The following GPHN variants were observed in gnomAD, a reference collection of about 807,000 sequenced individuals.
GPHN encodes the protein gephyrin.
A neutral mutation model predicts 95.5 loss-of-function variants in GPHN; 17 were observed. The ratio of observed to expected loss-of-function variants is 0.18; its 90% CI spans 0.12 to 0.27. The LOEUF is 0.27. Among genes scored for constraint, GPHN ranks in the 10% least tolerant of loss-of-function variants. The pLI, the probability that GPHN is intolerant of heterozygous loss-of-function variation, is 1.00. For synonymous variants in GPHN, 320 were observed against 322.5 expected, an observed-to-expected ratio of 0.99 and a Z score of 0.08; for missense variants, 660 against 978.1, an observed-to-expected ratio of 0.67 and a Z score of 4.34.
the GPHN span, among the ~76,000 whole-genome samples, chr14:67,460,756 T>G: frequency 6.6e-6 from 1 of 152,162 alleles, no homozygotes; most frequent in East Asian, 1.9e-4. Flanking sequence ...AGGATATTCA[T>G]AGATTTCTGT....
In GPHN at chr14:67,083,934, A is replaced by G. The variant is rs1394649686; in HGVS notation, c.1145-5049A>G. ...TATGACCTTTTTCTCTACTTATCTGATATTTTCTTGTAGTCATAATCATTA... is the reference window on the plus strand; with the variant it reads ...TATGACCTTTTTCTCTACTTATCTGGTATTTTCTTGTAGTCATAATCATTA... On this transcript the variant is annotated intron_variant, in intron 11 of 22. Transcript: ENST00000478722. 3.3e-5 allele frequency among the ~76,000 whole-genome samples: 5 copies of G among 152,126 alleles called. No individual in the cohort carries two copies. In the South Asian group the frequency reaches 1.0e-3, roughly 31 times the overall value.
At chr14:67,583,968 C>T in the GPHN span, 1 of 1,613,796 alleles carries the variant, frequency 6.2e-7, no homozygotes, top group Non-Finnish European at 8.5e-7. Flanking sequence ...TTCATTGGCA[C>T]TATTTCTCTC....
At chr14:67,448,253 C>T in the GPHN span, among the ~76,000 whole-genome samples, 1 of 150,214 alleles carries the variant, frequency 6.7e-6, no homozygotes, top group Admixed American at 6.7e-5. Context: ...ATTCTCCTGC[C>T]TCAGCCTCCT....
At chr14:67,446,949 G>C in the GPHN span, 1 of 152,122 alleles carries the variant, frequency 6.6e-6, no homozygotes, top group Non-Finnish European at 1.5e-5. Context: ...GCAGTGGCAG[G>C]GTTGGGTAGT....
At chr14:67,532,825 T>G in the GPHN span, among the ~76,000 whole-genome samples, 26 of 152,206 alleles carry the variant, frequency 1.7e-4, no homozygotes, top group Admixed American at 1.7e-3. Flanking sequence ...TTCCCACAGG[T>G]GGCCAGGAGA....
At chr14:67,446,994 C>T in the GPHN span, 2 of 152,096 alleles carry the variant, frequency 1.3e-5, no homozygotes, top group Non-Finnish European at 2.9e-5. Flanking sequence ...ATATTTACTG[C>T]CTGGCTGGCC....
intron 2 of GPHN, among the ~76,000 whole-genome samples, chr14:66,765,847 A>G (rs1192929704): frequency 6.6e-6 from 1 of 152,216 alleles, no homozygotes; most frequent in Non-Finnish European, 1.5e-5. Context: ...AGAATGAAAT[A>G]TATATCTGGA....
chr14:66,851,204 A>G (rs1336756456), intron 4 of GPHN, among the ~76,000 whole-genome samples: 4 of 151,998 alleles, frequency 2.6e-5, no homozygotes, highest in African/African-American at 9.7e-5. Flanking sequence ...GGATTTTCAA[A>G]AACTGAACAT....
At chr14:67,703,717 C>G in the GPHN span, among the ~76,000 whole-genome samples, 1 of 152,040 alleles carries the variant, frequency 6.6e-6, no homozygotes, top group African/African-American at 2.4e-5. Flanking sequence ...ACTCTGTTGC[C>G]CAGGCTGGAG....
chr14:67,581,073 A>C, the GPHN span: 1 of 1,355,008 alleles, frequency 7.4e-7, no homozygotes, highest in Non-Finnish European at 1.1e-6. Flanking sequence ...GGCCAAACAC[A>C]AGGGCTGCCA....
the GPHN span, among the ~76,000 whole-genome samples, chr14:67,524,254 T>TAG: frequency 9.2e-5 from 14 of 152,210 alleles, no homozygotes; most frequent in Non-Finnish European, 8.8e-5. Context: ...AACCTGGCTC[T>TAG]GTTTTTACTG....
At chr14:66,600,423 G>A (rs74057207) in intron 1 of GPHN, among the ~76,000 whole-genome samples, 3,309 of 152,136 alleles carry the variant, frequency 0.022, 129 homozygotes, top group African/African-American at 0.074. Context: ...GTTCTGTGAC[G>A]TAGCAGTGAA....
the GPHN span, among the ~76,000 whole-genome samples, chr14:67,390,050 A>C: frequency 6.6e-6 from 1 of 152,230 alleles, no homozygotes; most frequent in African/African-American, 2.4e-5. Flanking sequence ...TGAAAGTCAT[A>C]CATTGCCCAA....
At chr14:67,325,777 T>C in the GPHN span, among the ~76,000 whole-genome samples, 3 of 151,920 alleles carry the variant, frequency 2.0e-5, no homozygotes, top group Non-Finnish European at 4.4e-5. Context: ...TGAAGGGCCA[T>C]AGACCATTCC....
the GPHN span, among the ~76,000 whole-genome samples, chr14:67,307,476 A>T: frequency 6.6e-6 from 1 of 152,242 alleles, no homozygotes; most frequent in Non-Finnish European, 1.5e-5. Context: ...TGTTTAATAC[A>T]TATAAGCTAT....
intron 9 of GPHN, among the ~76,000 whole-genome samples, chr14:66,973,834 A>G (rs1200182677): frequency 6.6e-6 from 1 of 152,224 alleles, no homozygotes; most frequent in Non-Finnish European, 1.5e-5. Context: ...ATAACTGGGG[A>G]TAGCTCATTT....
At chr14:67,601,946 G>A in the GPHN span, among the ~76,000 whole-genome samples, 4 of 150,780 alleles carry the variant, frequency 2.7e-5, no homozygotes, top group African/African-American at 4.9e-5. Context: ...GAAAGGTTCC[G>A]TTTCTTCATC....
chr14:67,691,256 A>G, the GPHN span: 1 of 1,598,392 alleles, frequency 6.3e-7, no homozygotes, highest in Non-Finnish European at 8.6e-7. Flanking sequence ...TGCAGGGACA[A>G]GACGATGGAG....
chr14:66,987,852 A>G (rs908515481), intron 9 of GPHN, among the ~76,000 whole-genome samples: 3 of 152,100 alleles, frequency 2.0e-5, no homozygotes, highest in Admixed American at 6.6e-5. Context: ...GTATAATGCT[A>G]TGATCTTATT....
Sources: gnomAD v4.1 joint callset for allele counts (sites outside exome capture counted in the v4.1 genomes callset) on GRCh38, gnomAD v4.1.1 for gene constraint, MANE v1.5 for transcripts, NCBI Gene and HGNC (gene_info 2026-07-23, HGNC 2026-07-21) for gene names.